The following LUZP2 variants were observed in gnomAD, a reference collection of about 807,000 sequenced individuals.
LUZP2 encodes leucine zipper protein 2.
In LUZP2, 52 loss-of-function variants were observed where a neutral mutation model predicts 51.6. The observed-to-expected ratio is 1.01, with a 90% CI of 0.81 to 1.27. The LOEUF (loss-of-function observed/expected upper bound fraction) is 1.27, where lower values mean the gene tolerates loss of function less well. Ranked by LOEUF, LUZP2 falls within the 50% of genes most tolerant of loss-of-function variation. The pLI is 0.00. For missense variants in LUZP2, 436 were observed against 395.4 expected (o/e 1.10, Z -0.87); for synonymous variants, 154 against 137.3 (o/e 1.12, Z -0.85).
At chr11:24,641,741 T>G (rs188699333) in intron 1 of LUZP2, among the ~76,000 whole-genome samples, 1 of 152,080 alleles carries the variant, frequency 6.6e-6, no homozygotes. Flanking sequence ...ATGATTTATC[T>G]TTGAAAACCT....
intron 7 of LUZP2, among the ~76,000 whole-genome samples, chr11:24,947,629 A>C (rs141616122): frequency 0.02 from 2,983 of 152,044 alleles, 52 homozygotes; most frequent in Middle Eastern, 0.037. Context: ...TGAAATACTA[A>C]AATAGAGCAG....
chr11:24,740,847 G>A (rs550391839), intron 4 of LUZP2, among the ~76,000 whole-genome samples: 2 of 152,110 alleles, frequency 1.3e-5, no homozygotes, highest in South Asian at 2.1e-4. Context: ...GTATGTCAAT[G>A]GTACTAATGT....
At chr11:25,052,837 G>A (rs972959) in intron 10 of LUZP2, among the ~76,000 whole-genome samples, 136,668 of 151,988 alleles carry the variant, frequency 0.9, 62,441 homozygotes, top group Non-Finnish European at 0.98. Flanking sequence ...TGTGTTTTAG[G>A]ATCTTAACCT....
At chr11:24,806,926 A>T (rs1157058303) in intron 5 of LUZP2, among the ~76,000 whole-genome samples, 1 of 151,510 alleles carries the variant, frequency 6.6e-6, no homozygotes, top group African/African-American at 2.4e-5. Context: ...AAATCAAAAA[A>T]TTAGAAAATG....
At chr11:25,074,907 G>A (rs1424255876) in intron 10 of LUZP2, among the ~76,000 whole-genome samples, 1 of 152,100 alleles carries the variant, frequency 6.6e-6, no homozygotes, top group Non-Finnish European at 1.5e-5. Context: ...ACTGTTTAAT[G>A]TTGAAATCAA....
chr11:24,919,665 CAT>C (rs200090309), intron 7 of LUZP2, among the ~76,000 whole-genome samples: 3 of 148,442 alleles, frequency 2.0e-5, no homozygotes, highest in Admixed American at 6.8e-5. Context: ...TACATGCATA[CAT>C]ATATATATAA....
At chr11:24,624,068 T>C (rs4923198) in intron 1 of LUZP2, among the ~76,000 whole-genome samples, 36,276 of 152,012 alleles carry the variant, frequency 0.24, 4,590 homozygotes, top group East Asian at 0.33. Flanking sequence ...ATATCATTAA[T>C]CTTAAGAATA....
intron 4 of LUZP2, among the ~76,000 whole-genome samples, chr11:24,741,968 A>T (rs71476399): frequency 2.9e-5 from 1 of 34,270 alleles, no homozygotes; most frequent in African/African-American, 7.5e-5. Flanking sequence ...ATATATAAAT[A>T]TATACATTTA....
intron 1 of LUZP2, among the ~76,000 whole-genome samples, chr11:24,710,872 C>T (rs1407724572): frequency 3.6e-5 from 5 of 138,138 alleles, no homozygotes; most frequent in African/African-American, 1.4e-4. Context: ...CAAAATCTGG[C>T]GAGAAGAAAT....
intron 1 of LUZP2, among the ~76,000 whole-genome samples, chr11:24,556,461 A>G (rs1221148102): frequency 1.3e-5 from 2 of 152,156 alleles, no homozygotes; most frequent in African/African-American, 2.4e-5. Context: ...TCAAAGAAAA[A>G]TAACATTATA....
intron 1 of LUZP2, among the ~76,000 whole-genome samples, chr11:24,603,686 T>C (rs181648692): frequency 6.6e-6 from 1 of 151,796 alleles, no homozygotes; most frequent in African/African-American, 2.4e-5. Flanking sequence ...ATTAGCCTAA[T>C]AAAATGAAGG....
rs552209401 is a variant in LUZP2 at position 24,607,693 on chromosome 11, A to G, written c.62+110388A>G. Among the ~76,000 whole-genome samples the G allele has an allele frequency of 3.3e-5, 5 of 152,186 alleles. No homozygotes were observed. The East Asian group carries it at 9.7e-4, about 29-fold the overall frequency. On this transcript the variant is annotated intron_variant, in intron 1 of 11. Coordinates refer to ENST00000336930, the MANE Select transcript of LUZP2 (RefSeq NM_001009909.4). Reference sequence around the variant, plus strand: ...TGAAAAATACTGTTGGAGCCTGATAAGGATCGCATTGGATCTGTTGGGGTA... The same window carrying G: ...TGAAAAATACTGTTGGAGCCTGATAGGGATCGCATTGGATCTGTTGGGGTA...
At chr11:25,014,558 G>T (rs1857086869) in intron 9 of LUZP2, among the ~76,000 whole-genome samples, 1 of 152,172 alleles carries the variant, frequency 6.6e-6, no homozygotes, top group Non-Finnish European at 1.5e-5. Flanking sequence ...CTTTTGAGTA[G>T]TGTCTGTTCA....
chr11:24,579,285 A>G (rs1416122166), intron 1 of LUZP2, among the ~76,000 whole-genome samples: 2 of 152,132 alleles, frequency 1.3e-5, no homozygotes, highest in African/African-American at 4.8e-5. Flanking sequence ...TTAAAAAGTT[A>G]TTAATTTTTC....
intron 5 of LUZP2, among the ~76,000 whole-genome samples, chr11:24,809,061 A>G (rs1311832819): frequency 6.6e-6 from 1 of 152,290 alleles, no homozygotes; most frequent in South Asian, 2.1e-4. Context: ...GGTCACTGTC[A>G]TATTTTCATA....
chr11:24,796,308 A>T (rs746608858), intron 5 of LUZP2, among the ~76,000 whole-genome samples: 1 of 152,068 alleles, frequency 6.6e-6, no homozygotes, highest in Non-Finnish European at 1.5e-5. Flanking sequence ...TATGTTTAGC[A>T]TGTTCTACTT....
intron 5 of LUZP2, among the ~76,000 whole-genome samples, chr11:24,862,476 A>C (rs1056124480): frequency 6.6e-6 from 1 of 152,208 alleles, no homozygotes; most frequent in Non-Finnish European, 1.5e-5. Context: ...GACACTATGA[A>C]GAAAGTGCAT....
chr11:24,774,362 C>CTCTCTCTCTATATATATA (rs776739280), intron 5 of LUZP2, among the ~76,000 whole-genome samples: 28 of 76,334 alleles, frequency 3.7e-4, no homozygotes, highest in East Asian at 9.7e-4. Context: ...CTCTCTCTCT[C>CTCTCTCTCTATATATATA]TATATATATA....
intron 5 of LUZP2, among the ~76,000 whole-genome samples, chr11:24,877,453 T>C (rs1852308832): frequency 6.6e-6 from 1 of 152,126 alleles, no homozygotes; most frequent in Non-Finnish European, 1.5e-5. Context: ...TTTTATGTTT[T>C]AAATTTTTAT....
Sources: gnomAD v4.1 joint callset for allele counts (sites outside exome capture counted in the v4.1 genomes callset) on GRCh38, gnomAD v4.1.1 for gene constraint, MANE v1.5 for transcripts, NCBI Gene and HGNC (gene_info 2026-07-23, HGNC 2026-07-21) for gene names.